A1CF: variants seen among roughly 807,000 people sequenced by gnomAD.
A1CF encodes APOBEC1 complementation factor.
Under a neutral mutation model 68.9 loss-of-function variants are expected in A1CF, and 48 were observed. The observed-to-expected ratio is 0.70, with a 90% CI of 0.55 to 0.89. The LOEUF is 0.89. Among genes scored for constraint, A1CF ranks in the 40% least tolerant of loss-of-function variants. The pLI, the probability that A1CF is intolerant of heterozygous loss-of-function variation, is 0.00. For synonymous variants in A1CF, 272 were observed against 260.4 expected, an observed-to-expected ratio of 1.04 and a Z score of -0.43; for missense variants, 653 against 718.9, an observed-to-expected ratio of 0.91 and a Z score of 1.05.
In A1CF at chr10:50,804,762, G is replaced by A. The variant is rs1837745340; in HGVS notation, c.*1967C>T. On this transcript the variant is annotated 3_prime_UTR_variant, in exon 13 of 13. Coordinates refer to ENST00000373997, the MANE Select transcript of A1CF (RefSeq NM_014576.4). ...AATTGCATTTTTCTATTTACTAAAAGTGAAATAAAAAGGAAAAGAAATAAA... is the reference window on the plus strand; with the variant it reads ...AATTGCATTTTTCTATTTACTAAAAATGAAATAAAAAGGAAAAGAAATAAA... 6.6e-6 allele frequency: 1 copy of A among 151,972 alleles called. No homozygotes were observed. The highest frequency in any genetic ancestry group is 2.4e-5 in the African/African-American group (1 of 41,366). 9.4% of individuals were successfully genotyped at this position (151,972 alleles called of 1,614,324 possible).
chr10:50,828,541 A>C, intron 6 of A1CF: 1 of 317,168 alleles, frequency 3.2e-6, no homozygotes, highest in Non-Finnish European at 5.8e-6. Context: ...ACGTGGTTTG[A>C]GGTTGAACAG....
intron 6 of A1CF, among the ~76,000 whole-genome samples, chr10:50,829,659 T>A (rs1191035632): frequency 6.6e-6 from 1 of 152,160 alleles, no homozygotes; most frequent in Non-Finnish European, 1.5e-5. Flanking sequence ...CAGGGGATAG[T>A]TTTCTTCATT....
chr10:50,807,654 G>A (rs1837896630), intron 12 of A1CF, among the ~76,000 whole-genome samples: 1 of 152,118 alleles, frequency 6.6e-6, no homozygotes, highest in Admixed American at 6.6e-5. Flanking sequence ...ATTCACTTTT[G>A]AAGAAGAGAG....
At chr10:50,859,400 A>G (rs1840635141) in intron 3 of A1CF, among the ~76,000 whole-genome samples, 1 of 152,182 alleles carries the variant, frequency 6.6e-6, no homozygotes, top group Admixed American at 6.5e-5. Context: ...GTGTTCTGAG[A>G]GAACAAACTG....
In A1CF at chr10:50,805,844, T is replaced by C. The variant is rs2132295632; in HGVS notation, c.*885A>G. 1 of 152,366 alleles carries C rather than the reference T, an allele frequency of 6.6e-6. No homozygotes were observed. The highest frequency in any genetic ancestry group is 2.4e-5 in the African/African-American group (1 of 41,604). 9.4% of individuals were successfully genotyped at this position (152,366 alleles called of 1,614,324 possible). ...TGCTGAAAGGAAGAAGTATCATAAA[T>C]GATATTCTGTATATCTGATTTACTT... is the stretch of plus-strand genomic sequence containing the variant. On this transcript the variant is annotated 3_prime_UTR_variant, in exon 13 of 13. Transcript: ENST00000373997.
intron 1 of A1CF, among the ~76,000 whole-genome samples, chr10:50,865,973 A>T (rs994405289): frequency 6.6e-6 from 1 of 152,230 alleles, no homozygotes; most frequent in African/African-American, 2.4e-5. Flanking sequence ...GCTTGACATT[A>T]TGCTAAGTGC....
rs144018747 is a variant in A1CF at position 50,805,437 on chromosome 10, C to A, written c.*1292G>T. ...ACCTCTGTTCCGTGTTTTGTAGCAC[C>A]GTTGCCCTCCCCTCACTTCATCATC... On this transcript the variant is annotated 3_prime_UTR_variant, in exon 13 of 13. Coordinates refer to ENST00000373997, the MANE Select transcript of A1CF (RefSeq NM_014576.4). 2 of 152,138 alleles carry A rather than the reference C, an allele frequency of 1.3e-5. No homozygotes were observed. Among genetic ancestry groups the A allele is most frequent in the African/African-American group, 4.8e-5 (2 of 41,428 alleles). 9.4% of individuals were successfully genotyped at this position (152,138 alleles called of 1,614,324 possible).
intron 3 of A1CF, among the ~76,000 whole-genome samples, chr10:50,844,363 ATAT>A (rs1281095434): frequency 7.0e-6 from 1 of 142,554 alleles, no homozygotes; most frequent in African/African-American, 3.1e-5. Flanking sequence ...TGCTAGGCAA[ATAT>A]TTTTTTTTTC....
rs1478802020 is a variant in A1CF at position 50,811,084 on chromosome 10, C to A, written c.1416G>T (p.Leu472Phe). Residue 472 changes from leucine to phenylalanine, a missense_variant, in exon 11 of 13, where the codon TTG becomes TTT. Coordinates refer to ENST00000373997, the MANE Select transcript of A1CF (RefSeq NM_014576.4). ...AIGQDQRQLF[L>F]YKITIPALAS... Reference sequence around the variant, plus strand: ...CTAGAGCAGGAATAGTTATTTTGTACAAGAATAGCTGTCTTTGGTCTTGTC... The same window carrying A: ...CTAGAGCAGGAATAGTTATTTTGTAAAAGAATAGCTGTCTTTGGTCTTGTC... 1.2e-6 allele frequency: 2 copies of A among 1,613,374 alleles called. No individual in the cohort carries two copies. Among genetic ancestry groups the A allele is most frequent in the Non-Finnish European group, 1.7e-6 (2 of 1,179,666 alleles).
rs1671818917 is a variant in A1CF at position 50,801,856 on chromosome 10, G to A, written c.*4873C>T. On this transcript the variant is annotated 3_prime_UTR_variant, in exon 13 of 13. Transcript: ENST00000373997. Reference sequence around the variant, plus strand: ...AAATTGGCTATGAATTTCATTATTAGTGAGAGTACAAGGTTTTCTTTTAGC... The same window carrying A: ...AAATTGGCTATGAATTTCATTATTAATGAGAGTACAAGGTTTTCTTTTAGC... 3 of 152,122 alleles carry A rather than the reference G, an allele frequency of 2.0e-5. No homozygotes were observed. The South Asian group carries it at 6.2e-4, about 32-fold the overall frequency. 9.4% of individuals were successfully genotyped at this position (152,122 alleles called of 1,614,324 possible).
intron 1 of A1CF, among the ~76,000 whole-genome samples, chr10:50,873,927 CA>C (rs1291425134): frequency 6.6e-6 from 1 of 151,950 alleles, no homozygotes; most frequent in African/African-American, 2.4e-5. Context: ...AAAGAACAAG[CA>C]GGTATAAAAT....
intron 5 of A1CF, 150 bp downstream of exon 5, chr10:50,841,712 A>G: frequency 2.4e-6 from 2 of 832,670 alleles, no homozygotes; most frequent in East Asian, 2.9e-5. Context: ...ATATTTAATC[A>G]AATTTATTTT....
At position 50,802,086 on chromosome 10, in the gene A1CF, T is replaced by C. The variant is rs1432397681; in HGVS notation, c.*4643A>G. ...CATTTTTCCTTTAATAAAAAAAGCTTAAATATTTTACTTTTTAAGAGAGGG... is the reference window on the plus strand; with the variant it reads ...CATTTTTCCTTTAATAAAAAAAGCTCAAATATTTTACTTTTTAAGAGAGGG... On this transcript the variant is annotated 3_prime_UTR_variant, in exon 13 of 13. Coordinates refer to ENST00000373997, the MANE Select transcript of A1CF (RefSeq NM_014576.4). The C allele has an allele frequency of 2.0e-5, 3 of 152,216 alleles. No homozygotes were observed. Among genetic ancestry groups the C allele is most frequent in the South Asian group, 2.1e-4 (1 of 4,834 alleles). 9.4% of individuals were successfully genotyped at this position (152,216 alleles called of 1,614,324 possible).
At chr10:50,833,942 G>A (rs1331560694) in intron 6 of A1CF, among the ~76,000 whole-genome samples, 1 of 152,156 alleles carries the variant, frequency 6.6e-6, no homozygotes, top group Non-Finnish European at 1.5e-5. Flanking sequence ...ATGAGTTGTG[G>A]ACGGGGAGGG....
intron 3 of A1CF, among the ~76,000 whole-genome samples, chr10:50,850,413 T>G (rs549389517): frequency 2.0e-5 from 3 of 152,236 alleles, no homozygotes; most frequent in Admixed American, 6.5e-5. Context: ...GCAAATAGGC[T>G]TTTTTAAATG....
chr10:50,836,244 T>C lies in A1CF; in HGVS notation c.434A>G (p.Lys145Arg), dbSNP rs747784255. ...NCRLFVGGIP[K>R]TKKREEILSE... ...TAAGATTTCTTCTCTCTTTTTGGTTTTTGGGATGCCCCCAACAAATAATCG... is the reference window on the plus strand; with the variant it reads ...TAAGATTTCTTCTCTCTTTTTGGTTCTTGGGATGCCCCCAACAAATAATCG... Residue 145 changes from lysine (K) to arginine (R), a missense_variant, in exon 6 of 13, where the codon AAA becomes AGA. Lys to Arg is a conservative substitution (Grantham distance 26). Coordinates refer to ENST00000373997, the MANE Select transcript of A1CF (RefSeq NM_014576.4). The C allele has an allele frequency of 3.1e-6, 5 of 1,613,922 alleles. No individual in the cohort carries two copies. The highest frequency in any genetic ancestry group is 4.2e-6 in the Non-Finnish European group (5 of 1,179,918).
intron 3 of A1CF, chr10:50,850,590 A>AG: frequency 7.0e-7 from 1 of 1,424,080 alleles, no homozygotes; most frequent in Non-Finnish European, 9.7e-7. Flanking sequence ...AACAAAAAGC[A>AG]TTTGTGTGTG....
At chr10:50,853,733 T>C (rs180868435) in intron 3 of A1CF, among the ~76,000 whole-genome samples, 12 of 144,636 alleles carry the variant, frequency 8.3e-5, no homozygotes, top group Admixed American at 5.7e-4. Flanking sequence ...GGCTAAGGAA[T>C]CGAGTTGGAG....
At chr10:50,850,746 C>T (rs778009091) in intron 3 of A1CF, 22 of 1,614,146 alleles carry the variant, frequency 1.4e-5, no homozygotes, top group South Asian at 3.3e-5. Context: ...TGCTCATGCT[C>T]GCTTCTGGCT....
Sources: gnomAD v4.1 joint callset for allele counts (sites outside exome capture counted in the v4.1 genomes callset) on GRCh38, gnomAD v4.1.1 for gene constraint, MANE v1.5 for transcripts, NCBI Gene and HGNC (gene_info 2026-07-23, HGNC 2026-07-21) for gene names.